Variants in TCERG1L observed in about 807,000 individuals in gnomAD.
The protein encoded by TCERG1L is transcription elongation regulator 1-like protein.
In TCERG1L, 37 loss-of-function variants were observed where a neutral mutation model predicts 56.3. That is an observed-to-expected ratio of 0.66 (90% confidence interval 0.51 to 0.87). TCERG1L has a LOEUF of 0.87. Ranked by LOEUF, TCERG1L falls within the 40% of genes least tolerant of loss-of-function variation. The pLI, the probability that TCERG1L is intolerant of heterozygous loss-of-function variation, is 0.00. For synonymous variants in TCERG1L, 324 were observed against 326.3 expected, an observed-to-expected ratio of 0.99 and a Z score of 0.08; for missense variants, 799 against 774.2, an observed-to-expected ratio of 1.03 and a Z score of -0.38.
rs189616061 is a variant in TCERG1L, at chr10:131,256,393, T to C, written c.856+3866A>G. On this transcript the variant is annotated intron_variant, in intron 4 of 11. Coordinates refer to ENST00000368642, the MANE Select transcript of TCERG1L (RefSeq NM_174937.4). Reference sequence around the variant, plus strand: ...TTCTGTGGCAGGACAAAATGTTAAATTTAAACCATTAAATAGTTCTGGAAG... The same window carrying C: ...TTCTGTGGCAGGACAAAATGTTAAACTTAAACCATTAAATAGTTCTGGAAG... Among the ~76,000 whole-genome samples the C allele has an allele frequency of 2.9e-3, 439 of 152,260 alleles. 2 individuals carry two copies. The highest frequency in any genetic ancestry group is 3.7e-3 in the Non-Finnish European group (254 of 68,010).
At chr10:131,226,395 T>C (rs778981231) in intron 4 of TCERG1L, among the ~76,000 whole-genome samples, 5 of 152,198 alleles carry the variant, frequency 3.3e-5, no homozygotes, top group Admixed American at 6.5e-5. Context: ...CCTTGAAACA[T>C]CTAACCTGAC....
In TCERG1L at chr10:131,267,016, C is replaced by A. The variant is rs1327852071; in HGVS notation, c.671-6572G>T. On this transcript the variant is annotated intron_variant, in intron 3 of 11. Transcript: ENST00000368642. The surrounding 1 kb of genome is among the most constrained non-coding windows in gnomAD (Gnocchi z 4.9). ...TCCAGTCCAGAGGACTGGCAACCGG[C>A]CCCCAGCCTTCAGGTCCTCCCTGGC... Among the ~76,000 whole-genome samples the A allele has an allele frequency of 6.6e-6, 1 of 152,028 alleles. No homozygotes were observed. Among genetic ancestry groups the A allele is most frequent in the Non-Finnish European group, 1.5e-5 (1 of 67,984 alleles).
At chr10:131,207,577 A>G (rs1481891933) in intron 4 of TCERG1L, among the ~76,000 whole-genome samples, 1 of 152,234 alleles carries the variant, frequency 6.6e-6, no homozygotes, top group Non-Finnish European at 1.5e-5. Context: ...AAACAGCTAC[A>G]TCAGGTTTAA....
intron 4 of TCERG1L, among the ~76,000 whole-genome samples, chr10:131,172,212 T>C (rs944001254): frequency 1.3e-5 from 2 of 152,136 alleles, no homozygotes; most frequent in Admixed American, 1.3e-4. Context: ...ATGCGTCTTC[T>C]GGTTTCCTGC....
chr10:131,281,141 C>T (rs199625668), intron 3 of TCERG1L, among the ~76,000 whole-genome samples: 1 of 152,194 alleles, frequency 6.6e-6, no homozygotes, highest in Non-Finnish European at 1.5e-5. Context: ...CTACTAGCAA[C>T]AGTCATTAAA....
At chr10:131,170,461 ATACC>A (rs1846078144) in intron 4 of TCERG1L, among the ~76,000 whole-genome samples, 1 of 151,794 alleles carries the variant, frequency 6.6e-6, no homozygotes, top group South Asian at 2.1e-4. Flanking sequence ...CACGGCGGTA[ATACC>A]TTTCTGGGCA....
At chr10:131,142,855 C>T (rs535289838) in intron 7 of TCERG1L, among the ~76,000 whole-genome samples, 95 of 152,362 alleles carry the variant, frequency 6.2e-4, no homozygotes, top group Middle Eastern at 3.4e-3. Context: ...CACTGGACTA[C>T]CTGGCAGAAA....
intron 3 of TCERG1L, among the ~76,000 whole-genome samples, chr10:131,274,622 G>A (rs753500987): frequency 3.4e-4 from 51 of 152,102 alleles, no homozygotes; most frequent in Non-Finnish European, 6.6e-4. Flanking sequence ...CTCCCCCAGC[G>A]CGAGGCATTG....
rs192503242 is a variant in TCERG1L, at chr10:131,103,883, A to G, written c.1485+382T>C. Reference sequence around the variant, plus strand: ...TTGATTCTGACAACTTTCATATTATATAAGATTTTAAGCATATAAAACCTT... The same window carrying G: ...TTGATTCTGACAACTTTCATATTATGTAAGATTTTAAGCATATAAAACCTT... On this transcript the variant is annotated intron_variant, in intron 10 of 11. Coordinates refer to ENST00000368642, the MANE Select transcript of TCERG1L (RefSeq NM_174937.4). This position sits in a 1 kb window ranked among gnomAD's most constrained non-coding sequence, Gnocchi z 4.3. Among the ~76,000 whole-genome samples, 35 of 152,300 alleles carry G rather than the reference A, an allele frequency of 2.3e-4. No homozygotes were observed. In the East Asian group the frequency reaches 6.6e-3, roughly 29 times the overall value.
chr10:131,116,112 A>G (rs538690536), intron 9 of TCERG1L, among the ~76,000 whole-genome samples: 19 of 152,332 alleles, frequency 1.2e-4, no homozygotes, highest in African/African-American at 4.3e-4. Flanking sequence ...GGGCTGAAAT[A>G]CTGCCTCTGG....
chr10:131,130,991 T>C (rs1020667026), intron 8 of TCERG1L, among the ~76,000 whole-genome samples: 8 of 152,236 alleles, frequency 5.3e-5, no homozygotes, highest in African/African-American at 1.2e-4. Context: ...GCCCACCTTC[T>C]GGAGAGGAAG....
At chr10:131,248,742 T>C (rs558547679) in intron 4 of TCERG1L, among the ~76,000 whole-genome samples, 1 of 152,332 alleles carries the variant, frequency 6.6e-6, no homozygotes, top group South Asian at 2.1e-4. Flanking sequence ...ACTCTCAACA[T>C]GCACTAGGCT....
chr10:131,169,516 G>A (rs1846066424), intron 4 of TCERG1L, among the ~76,000 whole-genome samples: 1 of 152,204 alleles, frequency 6.6e-6, no homozygotes, highest in South Asian at 2.1e-4. Flanking sequence ...CGACTGCTCT[G>A]AGACCTATTT....
intron 4 of TCERG1L, among the ~76,000 whole-genome samples, chr10:131,177,054 G>C (rs1002373838): frequency 6.0e-3 from 4 of 666 alleles, no homozygotes; most frequent in Non-Finnish European, 0.019. Context: ...ACACACAGAC[G>C]TATACACACA....
At chr10:131,169,680 A>T (rs1350723767) in intron 4 of TCERG1L, among the ~76,000 whole-genome samples, 3 of 152,160 alleles carry the variant, frequency 2.0e-5, no homozygotes, top group Non-Finnish European at 4.4e-5. Flanking sequence ...TTTTAATTAT[A>T]TGCCACACAC....
chr10:131,238,452 C>T (rs1291781262), intron 4 of TCERG1L, among the ~76,000 whole-genome samples: 1 of 152,162 alleles, frequency 6.6e-6, no homozygotes, highest in Admixed American at 6.5e-5. Flanking sequence ...GCTGCCCACA[C>T]TCAAGGCAGC....
chr10:131,117,065 C>A, intron 8 of TCERG1L, 131 bp from the exon 9 acceptor site: 1 of 1,236,306 alleles, frequency 8.1e-7, no homozygotes, highest in Non-Finnish European at 1.1e-6. Context: ...TTTATAAAGC[C>A]TGAGGCGGTC....
Position 131,227,905 on chromosome 10 carries a change from T to C in TCERG1L, c.856+32354A>G, listed in dbSNP as rs1845810229. ...ATCTTCCGGGTCAATATTCAGGAGC[T>C]GTCGGGCTGTGCTCAGGCATCTTCC... On this transcript the variant is annotated intron_variant, in intron 4 of 11. Transcript: ENST00000368642. 3.3e-5 allele frequency among the ~76,000 whole-genome samples: 5 copies of C among 152,194 alleles called. No individual in the cohort carries two copies. The South Asian group carries it at 1.0e-3, about 32-fold the overall frequency.
At chr10:131,280,183 C>A (rs1463773947) in intron 3 of TCERG1L, among the ~76,000 whole-genome samples, 2 of 149,416 alleles carry the variant, frequency 1.3e-5, no homozygotes, top group African/African-American at 4.9e-5. Context: ...GCTTCCAGGT[C>A]ATGGTAGATA....
Sources: gnomAD v4.1 joint callset for allele counts (sites outside exome capture counted in the v4.1 genomes callset) on GRCh38, gnomAD v4.1.1 for gene constraint, Gnocchi (gnomAD v3.1) non-coding constraint, MANE v1.5 for transcripts, NCBI Gene and HGNC (gene_info 2026-07-23, HGNC 2026-07-21) for gene names.